Variants in SGCZ observed in about 807,000 individuals in gnomAD.
SGCZ encodes sarcoglycan zeta.
A neutral mutation model predicts 41.3 loss-of-function variants in SGCZ; 40 were observed. That is an observed-to-expected ratio of 0.97 (90% CI 0.75 to 1.26). SGCZ has a LOEUF of 1.26. SGCZ is among the 50% of genes most tolerant of loss of function. The pLI, the probability that SGCZ is intolerant of heterozygous loss-of-function variation, is 0.00. For synonymous variants in SGCZ, 206 were observed against 137.5 expected, an observed-to-expected ratio of 1.50 and a Z score of -3.49; for missense variants, 552 against 369.8, an observed-to-expected ratio of 1.49 and a Z score of -4.04.
chr8:14,574,235 T>G (rs1342335979), intron 1 of SGCZ, among the ~76,000 whole-genome samples: 1 of 152,160 alleles, frequency 6.6e-6, no homozygotes, highest in African/African-American at 2.4e-5. Flanking sequence ...CGAAGGCCTC[T>G]GCAGCAGCCT....
At chr8:14,209,068 G>A (rs975929709) in intron 4 of SGCZ, among the ~76,000 whole-genome samples, 1 of 152,168 alleles carries the variant, frequency 6.6e-6, no homozygotes, top group East Asian at 1.9e-4. Flanking sequence ...ACGCCTCCAT[G>A]TTCCCATCTC....
chr8:14,275,192 T>C (rs965195356), intron 3 of SGCZ, among the ~76,000 whole-genome samples: 2 of 152,118 alleles, frequency 1.3e-5, no homozygotes, highest in African/African-American at 4.8e-5. Context: ...AACATCAAAC[T>C]GCAAGTTTTC....
intron 1 of SGCZ, among the ~76,000 whole-genome samples, chr8:14,647,147 T>TA (rs1807248087): frequency 6.6e-6 from 1 of 152,018 alleles, no homozygotes; most frequent in Non-Finnish European, 1.5e-5. Context: ...ACATCTAGAC[T>TA]ATTTTTTAAG....
At chr8:14,465,962 C>G (rs943293765) in intron 2 of SGCZ, among the ~76,000 whole-genome samples, 2 of 151,854 alleles carry the variant, frequency 1.3e-5, no homozygotes, top group African/African-American at 4.8e-5. Flanking sequence ...GTATTTTTCT[C>G]TTAAATCATG....
At chr8:14,245,195 G>A (rs1799040886) in intron 3 of SGCZ, among the ~76,000 whole-genome samples, 1 of 152,266 alleles carries the variant, frequency 6.6e-6, no homozygotes. Flanking sequence ...AATGCTTCCA[G>A]TTTTTGCCCA....
At chr8:14,711,200 T>G (rs781775160) in intron 1 of SGCZ, among the ~76,000 whole-genome samples, 1 of 152,194 alleles carries the variant, frequency 6.6e-6, no homozygotes, top group Non-Finnish European at 1.5e-5. Context: ...TTAAAAATTA[T>G]GTACAAATGT....
intron 1 of SGCZ, among the ~76,000 whole-genome samples, chr8:14,737,977 AGAAAG>A (rs1266085062): frequency 3.9e-5 from 6 of 152,100 alleles, no homozygotes; most frequent in African/African-American, 1.4e-4. Flanking sequence ...TTACAGATGA[AGAAAG>A]TAAGCAAGAT....
intron 3 of SGCZ, among the ~76,000 whole-genome samples, chr8:14,243,730 G>A (rs997469484): frequency 6.6e-6 from 1 of 152,088 alleles, no homozygotes. Context: ...TCAGGAAAAA[G>A]TATAGACATT....
At chr8:14,232,762 G>C (rs554857961) in intron 4 of SGCZ, among the ~76,000 whole-genome samples, 4 of 151,930 alleles carry the variant, frequency 2.6e-5, no homozygotes, top group Non-Finnish European at 5.9e-5. Flanking sequence ...TAACAGCAAG[G>C]CTTCCCTAGG....
chr8:15,203,124 C>CAA (rs141894657), intron 1 of SGCZ, among the ~76,000 whole-genome samples: 6,795 of 150,074 alleles, frequency 0.045, 190 homozygotes, highest in Middle Eastern at 0.068. Flanking sequence ...AACAAACAAA[C>CAA]AAAAAAAAAC....
intron 2 of SGCZ, among the ~76,000 whole-genome samples, chr8:14,379,866 G>C (rs1023119008): frequency 2.6e-5 from 4 of 151,930 alleles, no homozygotes; most frequent in Non-Finnish European, 5.9e-5. Flanking sequence ...AGAGTAGCTG[G>C]GATTACAAGA....
intron 1 of SGCZ, among the ~76,000 whole-genome samples, chr8:14,910,865 A>G (rs749321456): frequency 3.9e-5 from 6 of 152,138 alleles, no homozygotes; most frequent in East Asian, 1.9e-4. Flanking sequence ...TTTCAGAAGC[A>G]AAAGTTGAAT....
intron 3 of SGCZ, among the ~76,000 whole-genome samples, chr8:14,260,192 A>C (rs945195666): frequency 6.6e-6 from 1 of 152,046 alleles, no homozygotes; most frequent in Non-Finnish European, 1.5e-5. Context: ...TTCGCAACCT[A>C]CTCATCTGAC....
At chr8:14,360,749 A>G (rs1374898195) in intron 2 of SGCZ, among the ~76,000 whole-genome samples, 1 of 152,206 alleles carries the variant, frequency 6.6e-6, no homozygotes, top group Non-Finnish European at 1.5e-5. Flanking sequence ...TTATGAATAA[A>G]GCTGCTATGG....
chr8:14,240,045 G>C (rs368283691), intron 3 of SGCZ, among the ~76,000 whole-genome samples: 3 of 151,574 alleles, frequency 2.0e-5, no homozygotes, highest in South Asian at 2.1e-4. Flanking sequence ...GGAAAGTTTA[G>C]TCCGGGCGTG....
chr8:14,408,330 T>C (rs1390661052), intron 2 of SGCZ, among the ~76,000 whole-genome samples: 1 of 152,070 alleles, frequency 6.6e-6, no homozygotes, highest in Non-Finnish European at 1.5e-5. Context: ...AAAACAGCCA[T>C]CTCCAGATAT....
intron 1 of SGCZ, among the ~76,000 whole-genome samples, chr8:15,125,349 C>T (rs547209187): frequency 3.0e-4 from 45 of 152,248 alleles, no homozygotes; most frequent in African/African-American, 9.9e-4. Context: ...CTGACCTGGA[C>T]GCTGCAGTTC....
At chr8:14,229,977 T>C (rs1037171785) in intron 4 of SGCZ, among the ~76,000 whole-genome samples, 1 of 152,112 alleles carries the variant, frequency 6.6e-6, no homozygotes, top group Non-Finnish European at 1.5e-5. Context: ...TGCCATAACT[T>C]GATGAAAGAG....
intron 4 of SGCZ, among the ~76,000 whole-genome samples, chr8:14,189,019 C>CTTTTTTT (rs60448346): frequency 7.0e-5 from 10 of 142,460 alleles, no homozygotes; most frequent in East Asian, 6.3e-4. Context: ...CCACGCCCAG[C>CTTTTTTT]TTTTTTTTTT....
Sources: allele counts gnomAD v4.1 joint callset (sites outside exome capture counted in the v4.1 genomes callset), GRCh38; gene constraint gnomAD v4.1.1; transcripts MANE v1.5; gene names NCBI Gene and HGNC (gene_info 2026-07-23, HGNC 2026-07-21).